DNER: variants seen among roughly 807,000 people sequenced by gnomAD.
DNER encodes the protein delta and Notch-like epidermal growth factor-related receptor.
DNER carries 33 observed loss-of-function variants against 78.2 expected under a neutral mutation model. The observed-to-expected ratio is 0.42, with a 90% confidence interval of 0.32 to 0.56. The LOEUF is 0.56. Ranked by LOEUF, DNER falls within the 20% of genes least tolerant of loss-of-function variation. The probability of loss-of-function intolerance (pLI) is 0.11; values close to 1 mark genes in which losing one functional copy is unlikely to be tolerated. For synonymous variants in DNER, 417 were observed against 384.8 expected, an observed-to-expected ratio of 1.08 and a Z score of -0.98; for missense variants, 918 against 975.3, an observed-to-expected ratio of 0.94 and a Z score of 0.78.
chr2:229,701,170 C>T (rs2894690), intron 1 of DNER, among the ~76,000 whole-genome samples: 20,086 of 152,116 alleles, frequency 0.13, 1,563 homozygotes, highest in East Asian at 0.31. Flanking sequence ...CATTTCCATG[C>T]GTTTATAATG....
intron 1 of DNER, among the ~76,000 whole-genome samples, chr2:229,608,021 CAAAAAAAA>C (rs57795249): frequency 2.3e-5 from 2 of 86,272 alleles, no homozygotes; most frequent in Non-Finnish European, 4.3e-5. Flanking sequence ...AACTCTGTCT[CAAAAAAAA>C]AAAAAAAAAA....
chr2:229,391,785 T>C (rs1693021647), intron 10 of DNER, among the ~76,000 whole-genome samples: 1 of 152,054 alleles, frequency 6.6e-6, no homozygotes, highest in African/African-American at 2.4e-5. Flanking sequence ...TCAGGTGATC[T>C]GCCCACCTCA....
intron 1 of DNER, among the ~76,000 whole-genome samples, chr2:229,627,369 C>T (rs1282761829): frequency 2.6e-5 from 4 of 152,168 alleles, no homozygotes; most frequent in Admixed American, 2.6e-4. Flanking sequence ...TCAGATAGTT[C>T]TGTTTATTTC....
intron 1 of DNER, among the ~76,000 whole-genome samples, chr2:229,598,130 T>C (rs753125564): frequency 2.6e-5 from 4 of 152,220 alleles, no homozygotes; most frequent in Non-Finnish European, 5.9e-5. Context: ...TCATTAGATA[T>C]AGTAAGTCAA....
chr2:229,562,958 CCAT>C (rs1273480473), intron 4 of DNER, among the ~76,000 whole-genome samples: 18 of 151,304 alleles, frequency 1.2e-4, no homozygotes, highest in East Asian at 5.9e-4. Context: ...CATCCCACCA[CCAT>C]CATCATCATC....
At chr2:229,454,358 G>A (rs761889591) in intron 7 of DNER, among the ~76,000 whole-genome samples, 2 of 152,188 alleles carry the variant, frequency 1.3e-5, no homozygotes, top group East Asian at 1.9e-4. Flanking sequence ...AGACTTGAAA[G>A]AGTAATTGAT....
chr2:229,388,257 ATACT>A lies in DNER; in HGVS notation c.1855+4_1855+7del. ...AAATAACAGTGGCTGAGCTGCAGAAATACTTACGGATCTCACAGTTTGCTCCCAC... is the reference window on the plus strand; with the variant it reads ...AAATAACAGTGGCTGAGCTGCAGAAATACGGATCTCACAGTTTGCTCCCAC... On this transcript the variant is annotated splice_donor_5th_base_variant and intron_variant, in intron 11 of 12. Transcript: ENST00000341772. 1.2e-6 allele frequency: 2 copies of A among 1,603,922 alleles called. No individual in the cohort carries two copies. The highest frequency in any genetic ancestry group is 1.7e-5 in the Admixed American group (1 of 58,334).
At chr2:229,651,439 G>A (rs1698815298) in intron 1 of DNER, among the ~76,000 whole-genome samples, 1 of 152,196 alleles carries the variant, frequency 6.6e-6, no homozygotes. Flanking sequence ...CTCTGGCCAT[G>A]GGCAAGCCCT....
rs531691831 is a variant in DNER, at chr2:229,519,854, A to G, written c.994-6918T>C. Among the ~76,000 whole-genome samples the G allele has an allele frequency of 3.3e-5, 5 of 152,324 alleles. No homozygotes were observed. In the East Asian group the frequency reaches 9.6e-4, roughly 29 times the overall value. On this transcript the variant is annotated intron_variant, in intron 5 of 12. Coordinates refer to ENST00000341772, the MANE Select transcript of DNER (RefSeq NM_139072.4). ...TTTTTCTACTTCCTCCCTTGCTGTC[A>G]GGCTGCCTTCATCAGCTCTGCATTA...
At chr2:229,395,240 G>A (rs989484291) in intron 10 of DNER, among the ~76,000 whole-genome samples, 1 of 152,150 alleles carries the variant, frequency 6.6e-6, no homozygotes, top group Non-Finnish European at 1.5e-5. Context: ...GATGGCACTT[G>A]GCCGAAAATG....
At chr2:229,571,349 C>A (rs992729722) in intron 4 of DNER, among the ~76,000 whole-genome samples, 1 of 152,084 alleles carries the variant, frequency 6.6e-6, no homozygotes, top group Non-Finnish European at 1.5e-5. Context: ...CCTTGAAATT[C>A]CCTCTAGGAT....
chr2:229,454,117 C>G (rs537292155), intron 7 of DNER, among the ~76,000 whole-genome samples: 1 of 152,208 alleles, frequency 6.6e-6, no homozygotes, highest in Admixed American at 6.5e-5. Context: ...CATTCTAGAC[C>G]ACTTGACCTC....
intron 9 of DNER, among the ~76,000 whole-genome samples, chr2:229,411,800 A>T (rs1693526984): frequency 6.6e-6 from 1 of 152,152 alleles, no homozygotes; most frequent in African/African-American, 2.4e-5. Context: ...GCAATACATA[A>T]ATCAAACATA....
intron 6 of DNER, among the ~76,000 whole-genome samples, chr2:229,486,931 C>T (rs1442671963): frequency 6.6e-6 from 1 of 152,102 alleles, no homozygotes; most frequent in Non-Finnish European, 1.5e-5. Flanking sequence ...TTAAGAAGTC[C>T]TACAGGTGAT....
rs150453808 is a variant in DNER at position 229,448,164 on chromosome 2, C to A, written c.1262-624G>T. On this transcript the variant is annotated intron_variant, in intron 7 of 12. Coordinates refer to ENST00000341772, the MANE Select transcript of DNER (RefSeq NM_139072.4). Reference sequence around the variant, plus strand: ...GAGAAACAAAAGTGATCTACCCACACAATGAAATACCACTCAGCAATAAAA... The same window carrying A: ...GAGAAACAAAAGTGATCTACCCACAAAATGAAATACCACTCAGCAATAAAA... 3.1e-3 allele frequency among the ~76,000 whole-genome samples: 467 copies of A among 151,614 alleles called. 2 individuals are homozygous for A. The highest frequency in any genetic ancestry group is 0.01 in the African/African-American group (431 of 41,318).
rs529559772 is a variant in DNER at position 229,634,791 on chromosome 2, G to A, written c.277-42903C>T. Among the ~76,000 whole-genome samples, 58 of 152,196 alleles carry A rather than the reference G, an allele frequency of 3.8e-4. 1 individual carries two copies. Among genetic ancestry groups the A allele is most frequent in the Admixed American group, 3.1e-3 (48 of 15,288 alleles). On this transcript the variant is annotated intron_variant, in intron 1 of 12. Transcript: ENST00000341772. ...ACCTGGCTCAGCATCCTCTGCGAGCGGGAAGGAGGGGCTGCCTCCCTTGTC... is the reference window on the plus strand; with the variant it reads ...ACCTGGCTCAGCATCCTCTGCGAGCAGGAAGGAGGGGCTGCCTCCCTTGTC...
At chr2:229,594,747 CA>C (rs1331956941) in intron 1 of DNER, among the ~76,000 whole-genome samples, 1 of 151,348 alleles carries the variant, frequency 6.6e-6, no homozygotes, top group Non-Finnish European at 1.5e-5. Flanking sequence ...ATTATCATGC[CA>C]AAAAAAATTC....
chr2:229,375,291 A>T (rs1692572603), intron 11 of DNER, among the ~76,000 whole-genome samples: 1 of 152,216 alleles, frequency 6.6e-6, no homozygotes, highest in African/African-American at 2.4e-5. Flanking sequence ...TCACTGAACA[A>T]TATTGGTTAC....
intron 10 of DNER, among the ~76,000 whole-genome samples, chr2:229,396,026 G>A (rs980700437): frequency 2.6e-5 from 4 of 152,144 alleles, no homozygotes; most frequent in African/African-American, 9.7e-5. Flanking sequence ...CCTTTGAGAT[G>A]TAAATTTCCT....
Sources: gnomAD v4.1 joint callset for allele counts (sites outside exome capture counted in the v4.1 genomes callset) on GRCh38, gnomAD v4.1.1 for gene constraint, MANE v1.5 for transcripts, NCBI Gene and HGNC (gene_info 2026-07-23, HGNC 2026-07-21) for gene names.